Variants in CSMD3 observed in about 807,000 individuals in gnomAD.
CSMD3 encodes CUB and sushi domain-containing protein 3.
Under a neutral mutation model 435.2 loss-of-function variants are expected in CSMD3, and 177 were observed. The observed-to-expected ratio is 0.41, with a 90% confidence interval of 0.36 to 0.46. The LOEUF (loss-of-function observed/expected upper bound fraction) is 0.46, where lower values mean the gene tolerates loss of function less well. Ranked by LOEUF, CSMD3 falls within the 20% of genes least tolerant of loss-of-function variation. CSMD3 has a pLI of 0.34. For synonymous variants in CSMD3, 1,656 were observed against 1,520.5 expected (o/e 1.09, Z -2.07); for missense variants, 4,265 against 4,504.6 (o/e 0.95, Z 1.52).
chr8:112,387,303 C>T (rs1830059918), intron 36 of CSMD3, among the ~76,000 whole-genome samples: 1 of 152,040 alleles, frequency 6.6e-6, no homozygotes, highest in South Asian at 2.1e-4. Context: ...ATGATTATCC[C>T]ACTTTATCTC....
Position 112,306,203 on chromosome 8 carries a change from A to G in CSMD3, c.7886-11T>C. On this transcript the variant is annotated splice_polypyrimidine_tract_variant and intron_variant, in intron 50 of 70. Transcript: ENST00000297405. ...TCCCACAGGAAATTGCTAGAAAAAC[A>G]TACACACAAGCAAAATCGTATAAAC... 1 of 1,609,238 alleles carries G rather than the reference A, an allele frequency of 6.2e-7. No homozygotes were observed. Among genetic ancestry groups the G allele is most frequent in the Non-Finnish European group, 8.5e-7 (1 of 1,176,460 alleles).
intron 53 of CSMD3, among the ~76,000 whole-genome samples, chr8:112,298,558 A>G (rs1000468064): frequency 2.0e-5 from 3 of 152,082 alleles, no homozygotes; most frequent in African/African-American, 7.2e-5. Flanking sequence ...GTCATAGAAT[A>G]AGAGAAAATA....
chr8:113,335,119 C>T (rs529543964), intron 1 of CSMD3, among the ~76,000 whole-genome samples: 6 of 152,120 alleles, frequency 3.9e-5, no homozygotes, highest in East Asian at 3.9e-4. Flanking sequence ...GTGCATAGCA[C>T]GCCACCTCCA....
intron 4 of CSMD3, among the ~76,000 whole-genome samples, chr8:113,149,957 T>C (rs2091767024): frequency 6.6e-6 from 1 of 151,900 alleles, no homozygotes; most frequent in South Asian, 2.1e-4. Context: ...ACTCTGAAAA[T>C]CATTATGTGA....
chr8:112,441,218 A>C (rs10107721), intron 32 of CSMD3, among the ~76,000 whole-genome samples: 67,479 of 151,802 alleles, frequency 0.44, 15,596 homozygotes, highest in Middle Eastern at 0.6. Context: ...AGTCTCTTTG[A>C]TAAAGCATAG....
At chr8:112,444,547 TGC>T (rs1815385953) in intron 32 of CSMD3, among the ~76,000 whole-genome samples, 1 of 152,200 alleles carries the variant, frequency 6.6e-6, no homozygotes, top group African/African-American at 2.4e-5. Flanking sequence ...AAACTCCTGA[TGC>T]ACACAATAAC....
At chr8:112,741,043 G>A (rs1031691093) in intron 13 of CSMD3, among the ~76,000 whole-genome samples, 7 of 151,780 alleles carry the variant, frequency 4.6e-5, no homozygotes, top group Non-Finnish European at 8.8e-5. Context: ...CCCAGCAAGA[G>A]GTCAGAGGAT....
chr8:112,363,357 T>G (rs1234026042), intron 38 of CSMD3, among the ~76,000 whole-genome samples: 1 of 152,048 alleles, frequency 6.6e-6, no homozygotes, highest in Admixed American at 6.6e-5. Flanking sequence ...ACTTTTCTTC[T>G]TGTCACGAAG....
At chr8:112,855,830 G>A (rs1362719619) in intron 11 of CSMD3, among the ~76,000 whole-genome samples, 1 of 61,538 alleles carries the variant, frequency 1.6e-5, no homozygotes, top group Non-Finnish European at 3.6e-5. Flanking sequence ...TTTTTTCTTT[G>A]TCTCAAGATC....
At chr8:113,391,283 G>T (rs951974732) in intron 1 of CSMD3, among the ~76,000 whole-genome samples, 2 of 152,004 alleles carry the variant, frequency 1.3e-5, no homozygotes, top group African/African-American at 4.8e-5. Flanking sequence ...ATTTCAAGTA[G>T]TCAGATACTC....
intron 59 of CSMD3, among the ~76,000 whole-genome samples, chr8:112,274,948 T>C (rs1817889490): frequency 6.6e-6 from 1 of 152,200 alleles, no homozygotes; most frequent in Non-Finnish European, 1.5e-5. Flanking sequence ...TTGGTGTTTG[T>C]AACATTGACT....
intron 2 of CSMD3, among the ~76,000 whole-genome samples, chr8:113,291,665 C>T (rs1300774100): frequency 2.0e-5 from 3 of 151,730 alleles, no homozygotes; most frequent in Non-Finnish European, 4.4e-5. Context: ...GTTTGTTCCC[C>T]TACGAGTAGC....
intron 41 of CSMD3, among the ~76,000 whole-genome samples, chr8:112,342,467 T>C (rs1208554379): frequency 2.0e-5 from 3 of 152,118 alleles, no homozygotes; most frequent in African/African-American, 7.2e-5. Flanking sequence ...ATCTGATATT[T>C]GGTGAAAGTT....
At chr8:113,285,139 T>C (rs2093636877) in intron 2 of CSMD3, among the ~76,000 whole-genome samples, 1 of 152,160 alleles carries the variant, frequency 6.6e-6, no homozygotes, top group Admixed American at 6.6e-5. Flanking sequence ...TTTGAATGAA[T>C]AGAACATATT....
chr8:113,004,926 AAATAATTTTATTTAAATTGTACTAT>A (rs1270211121), intron 6 of CSMD3, among the ~76,000 whole-genome samples: 3 of 151,906 alleles, frequency 2.0e-5, no homozygotes, highest in African/African-American at 7.2e-5. Context: ...TTCTATGGAT[AAATAATTTTATTTAAATTGTACTAT>A]CATTGTGTAT....
intron 4 of CSMD3, among the ~76,000 whole-genome samples, chr8:113,145,313 G>A (rs2091647764): frequency 6.6e-6 from 1 of 151,488 alleles, no homozygotes; most frequent in African/African-American, 2.4e-5. Flanking sequence ...TTATAGCAAT[G>A]CTGTCATGGG....
intron 1 of CSMD3, among the ~76,000 whole-genome samples, chr8:113,420,290 A>G (rs2094603521): frequency 6.6e-6 from 1 of 152,134 alleles, no homozygotes; most frequent in African/African-American, 2.4e-5. Context: ...ATGAATTCTC[A>G]TATGCACTTA....
chr8:113,013,886 A>G (rs1368503975), intron 6 of CSMD3, among the ~76,000 whole-genome samples: 3 of 152,146 alleles, frequency 2.0e-5, no homozygotes, highest in South Asian at 2.1e-4. Context: ...TCCAGAAGGT[A>G]CTTAAAAATA....
chr8:112,397,274 CCTTT>C (rs1316850797), intron 35 of CSMD3, among the ~76,000 whole-genome samples: 8 of 152,254 alleles, frequency 5.3e-5, no homozygotes, highest in African/African-American at 1.9e-4. Context: ...AGAATCATCA[CCTTT>C]CTATTTCTTC....
Sources: allele counts gnomAD v4.1 joint callset (sites outside exome capture counted in the v4.1 genomes callset), GRCh38; gene constraint gnomAD v4.1.1; transcripts MANE v1.5; gene names NCBI Gene and HGNC (gene_info 2026-07-23, HGNC 2026-07-21).